Variants in RHD observed in about 807,000 individuals in gnomAD.
RHD encodes Rh blood group D antigen.
Under a neutral mutation model 45.5 loss-of-function variants are expected in RHD, and 16 were observed. The ratio of observed to expected loss-of-function variants is 0.35; its 90% CI spans 0.24 to 0.53. The LOEUF (loss-of-function observed/expected upper bound fraction) is 0.53. Ranked by LOEUF, RHD falls within the 20% of genes least tolerant of loss-of-function variation. The probability of loss-of-function intolerance (pLI) is 0.92; values close to 1 mark genes in which losing one functional copy is unlikely to be tolerated. For missense variants in RHD, 306 were observed against 532.0 expected (o/e 0.58, Z 4.18); for synonymous variants, 131 against 217.5 (o/e 0.60, Z 3.50).
At position 25,303,405 on chromosome 1, in the gene RHD, G is replaced by T. The variant is rs371803235; in HGVS notation, c.885G>T (p.Met295Ile). ...CHLIPSPWLA[M>I]VLGLVAGLIS... is the part of the protein sequence containing the mutation. Reference sequence around the variant, plus strand: ...TGATCCCTTCTCCGTGGCTTGCCATGGTGCTGGGTCTTGTGGCTGGGCTGA... The same window carrying T: ...TGATCCCTTCTCCGTGGCTTGCCATTGTGCTGGGTCTTGTGGCTGGGCTGA... Residue 295 changes from methionine (M) to isoleucine (I), a missense_variant, in exon 6 of 10, where the codon ATG becomes ATT. Met to Ile is a conservative substitution (Grantham distance 10). Transcript: ENST00000328664. 5.8e-5 allele frequency: 80 copies of T among 1,379,088 alleles called. 25 individuals are homozygous for T. Among genetic ancestry groups the T allele is most frequent in the Middle Eastern group, 1.8e-4 (1 of 5,506 alleles). 85.4% of individuals were successfully genotyped at this position (1,379,088 alleles called of 1,614,324 possible).
Sources: allele counts gnomAD v4.1 joint callset, GRCh38; gene constraint gnomAD v4.1.1; transcripts MANE v1.5; gene names NCBI Gene and HGNC (gene_info 2026-07-23, HGNC 2026-07-21).